The following USP34 variants were observed in gnomAD, a reference collection of about 807,000 sequenced individuals.
USP34 encodes ubiquitin specific peptidase 34.
USP34 carries 70 observed loss-of-function variants against 460.3 expected under a neutral mutation model. The ratio of observed to expected loss-of-function variants is 0.15; its 90% CI spans 0.13 to 0.19. The LOEUF is 0.19. Ranked by LOEUF, USP34 falls within the 10% of genes least tolerant of loss-of-function variation. The pLI, the probability that USP34 is intolerant of heterozygous loss-of-function variation, is 1.00. For missense variants in USP34, 3,985 were observed against 4,236.2 expected, an observed-to-expected ratio of 0.94 and a Z score of 1.65; for synonymous variants, 1,647 against 1,405.3, an observed-to-expected ratio of 1.17 and a Z score of -3.85.
intron 9 of USP34, 31 bp from the exon 10 acceptor site, chr2:61,370,444 A>G (rs368127236): frequency 3.1e-6 from 5 of 1,612,868 alleles, no homozygotes; most frequent in Non-Finnish European, 4.2e-6. Flanking sequence ...ATCAATTTTT[A>G]AAAATATTCT....
intron 40 of USP34, 44 bp downstream of exon 40, chr2:61,278,344 T>A: frequency 6.2e-7 from 1 of 1,609,042 alleles, no homozygotes; most frequent in Non-Finnish European, 8.5e-7. Flanking sequence ...ATGTCTTTTA[T>A]CTTTCCTCGA....
Position 61,348,820 on chromosome 2 carries a change from A to T in USP34, c.1610T>A (p.Ile537Asn). Reference protein sequence around the residue: ...SDTHQSGGSDIEMDEQLINRT... With the variant: ...SDTHQSGGSDNEMDEQLINRT... ...ATTAATAAGTTGCTCATCCATTTCA[A>T]TGTCACTACCTCCACTTTGATGTGT... Residue 537 changes from isoleucine to asparagine, a missense_variant, in exon 14 of 80, where the codon ATT (isoleucine) becomes AAT (asparagine). Transcript: ENST00000398571. The T allele has an allele frequency of 6.2e-7, 1 of 1,613,900 alleles. No homozygotes were observed. Among genetic ancestry groups the T allele is most frequent in the Non-Finnish European group, 8.5e-7 (1 of 1,179,882 alleles).
At chr2:61,454,862 TTTTTTTTC>T (rs1242057863) in intron 1 of USP34, among the ~76,000 whole-genome samples, 6 of 90,494 alleles carry the variant, frequency 6.6e-5, no homozygotes, top group Admixed American at 2.2e-4. Context: ...TAGTGGGGTT[TTTTTTTTC>T]TTTTTTTTTT....
intron 53 of USP34, among the ~76,000 whole-genome samples, chr2:61,237,639 C>T (rs1221416024): frequency 1.4e-5 from 2 of 143,404 alleles, no homozygotes; most frequent in African/African-American, 5.2e-5. Flanking sequence ...ATGATCACAG[C>T]TCACTGCAGC....
rs147443977 is a variant in USP34 at position 61,356,472 on chromosome 2, A to AGC, written c.1252-5781_1252-5780dup. 5.0e-4 allele frequency among the ~76,000 whole-genome samples: 72 copies of AGC among 145,192 alleles called. 2 individuals are homozygous for AGC. The highest frequency in any genetic ancestry group is 1.6e-3 in the African/African-American group (61 of 37,852). On this transcript the variant is annotated intron_variant, in intron 10 of 79. Coordinates refer to ENST00000398571, the MANE Select transcript of USP34 (RefSeq NM_014709.4). ...GCCACAGCACTCCAGCCTGGGTGAA[A>AGC]GCGCACACACACACACACACACACA... is the stretch of plus-strand genomic sequence containing the variant.
chr2:61,440,845 A>T (rs1694943927), intron 1 of USP34, among the ~76,000 whole-genome samples: 1 of 149,202 alleles, frequency 6.7e-6, no homozygotes, highest in African/African-American at 2.5e-5. Context: ...AAAAAAAAAA[A>T]TTTCGGGTGC....
intron 39 of USP34, among the ~76,000 whole-genome samples, chr2:61,278,693 T>C (rs1316555871): frequency 6.6e-6 from 1 of 152,158 alleles, no homozygotes; most frequent in African/African-American, 2.4e-5. Flanking sequence ...CAATGACGAT[T>C]TAATGGGTAC....
Position 61,248,667 on chromosome 2 carries a change from A to G in USP34, c.6238T>C (p.Leu2080=). Residue 2080 remains leucine (L), a synonymous_variant, in exon 49 of 80, where the codon TTG becomes CTG. Transcript: ENST00000398571. ...RAEKRACFKK[L]PRILSFNTMR... ...GTATTGAAACTCAAAATGCGAGGCA[A>G]TTTCTTAAAACATGCCCTGAGAGAC... The G allele has an allele frequency of 1.3e-6, 2 of 1,568,176 alleles. No homozygotes were observed. Among genetic ancestry groups the G allele is most frequent in the Non-Finnish European group, 8.7e-7 (1 of 1,154,168 alleles).
chr2:61,464,249 G>A (rs1695696374), intron 1 of USP34, among the ~76,000 whole-genome samples: 1 of 152,138 alleles, frequency 6.6e-6, no homozygotes, highest in Admixed American at 6.5e-5. Context: ...AAGCAAGGAG[G>A]TGGAAGTTGC....
intron 2 of USP34, 92 bp from the exon 3 acceptor site, chr2:61,406,220 A>G (rs1287497487): frequency 8.8e-7 from 1 of 1,132,962 alleles, no homozygotes; most frequent in East Asian, 2.6e-5. Flanking sequence ...ATACTAAGTT[A>G]TTTCTAGACT....
At chr2:61,370,051 G>A (rs1017906337) in intron 10 of USP34, among the ~76,000 whole-genome samples, 8 of 151,112 alleles carry the variant, frequency 5.3e-5, no homozygotes, top group African/African-American at 1.9e-4. Flanking sequence ...AGGATAGAAG[G>A]GTAGACTGTA....
intron 19 of USP34, among the ~76,000 whole-genome samples, chr2:61,331,603 A>G (rs540083085): frequency 1.3e-5 from 2 of 152,176 alleles, no homozygotes; most frequent in East Asian, 3.9e-4. Context: ...AATGCCTGTG[A>G]AAGTACTATT....
intron 58 of USP34, among the ~76,000 whole-genome samples, chr2:61,229,980 G>A (rs914387865): frequency 1.3e-5 from 2 of 152,098 alleles, no homozygotes; most frequent in Admixed American, 6.5e-5. Flanking sequence ...GGGAAGGGCC[G>A]CTGCTCATCA....
At chr2:61,365,983 A>C (rs1692427360) in intron 10 of USP34, among the ~76,000 whole-genome samples, 1 of 128,408 alleles carries the variant, frequency 7.8e-6, no homozygotes, top group Non-Finnish European at 1.7e-5. Flanking sequence ...ACACAGTCTC[A>C]CTCTGCTGCC....
chr2:61,367,142 T>A (rs367923740), intron 10 of USP34, among the ~76,000 whole-genome samples: 1 of 152,144 alleles, frequency 6.6e-6, no homozygotes, highest in Non-Finnish European at 1.5e-5. Context: ...TAACAGTTCC[T>A]GAAAGGGCGA....
intron 48 of USP34, among the ~76,000 whole-genome samples, chr2:61,252,994 T>C (rs1337666665): frequency 6.6e-6 from 1 of 152,220 alleles, no homozygotes; most frequent in African/African-American, 2.4e-5. Context: ...GTCAGTAGCA[T>C]ATTAGTAAAA....
At chr2:61,191,176 C>T (rs1043938502) in intron 76 of USP34, 1 of 152,392 alleles carries the variant, frequency 6.6e-6, no homozygotes, top group Non-Finnish European at 1.5e-5. Context: ...CAAGGGTAAA[C>T]AATAAATCTT....
At chr2:61,255,482 T>C (rs1389649819) in intron 48 of USP34, among the ~76,000 whole-genome samples, 1 of 152,220 alleles carries the variant, frequency 6.6e-6, no homozygotes, top group Non-Finnish European at 1.5e-5. Flanking sequence ...GGAATCAGCA[T>C]TGGGAAAGTT....
chr2:61,416,560 A>G (rs2103962109), intron 2 of USP34, among the ~76,000 whole-genome samples: 1 of 152,356 alleles, frequency 6.6e-6, no homozygotes, highest in South Asian at 2.1e-4. Flanking sequence ...TAAAACAAGC[A>G]AAGAAAAAGA....
Sources: allele counts gnomAD v4.1 joint callset (sites outside exome capture counted in the v4.1 genomes callset), GRCh38; gene constraint gnomAD v4.1.1; transcripts MANE v1.5; gene names NCBI Gene and HGNC (gene_info 2026-07-23, HGNC 2026-07-21).